The following HDAC9 variants were observed in gnomAD, a reference collection of about 807,000 sequenced individuals.
HDAC9 encodes the protein histone deacetylase 9.
HDAC9 carries 41 observed loss-of-function variants against 139.4 expected under a neutral mutation model. That is an observed-to-expected ratio of 0.29 (90% confidence interval 0.23 to 0.38). The LOEUF (loss-of-function observed/expected upper bound fraction) is 0.38, where lower values mean the gene tolerates loss of function less well. Among genes scored for constraint, HDAC9 ranks in the 10% least tolerant of loss-of-function variants. The pLI is 1.00. For synonymous variants in HDAC9, 517 were observed against 476.2 expected, an observed-to-expected ratio of 1.09 and a Z score of -1.12; for missense variants, 1,147 against 1,297.0, an observed-to-expected ratio of 0.88 and a Z score of 1.78.
intron 1 of HDAC9, among the ~76,000 whole-genome samples, chr7:18,391,951 T>G (rs1211230042): frequency 6.6e-6 from 1 of 152,198 alleles, no homozygotes; most frequent in Non-Finnish European, 1.5e-5. Flanking sequence ...ATCTCCTCCA[T>G]GGTGCCTTTC....
chr7:18,168,587 C>A (rs934976893), intron 2 of HDAC9, among the ~76,000 whole-genome samples: 2 of 149,282 alleles, frequency 1.3e-5, no homozygotes, highest in African/African-American at 5.0e-5. Context: ...TGTGTGTGTA[C>A]GTGTGTGGTG....
chr7:18,437,915 C>G (rs1791362017), intron 1 of HDAC9, among the ~76,000 whole-genome samples: 1 of 150,500 alleles, frequency 6.6e-6, no homozygotes, highest in Non-Finnish European at 1.5e-5. Flanking sequence ...ACATGCACCA[C>G]ACACACACAC....
intron 14 of HDAC9, among the ~76,000 whole-genome samples, chr7:18,753,214 A>C (rs1248082882): frequency 6.6e-6 from 1 of 152,104 alleles, no homozygotes; most frequent in Non-Finnish European, 1.5e-5. Context: ...CAAATTTCAA[A>C]GGGGTTTTGA....
chr7:18,948,307 G>A (rs1436757061), intron 23 of HDAC9, among the ~76,000 whole-genome samples: 2 of 151,956 alleles, frequency 1.3e-5, no homozygotes, highest in African/African-American at 4.8e-5. Context: ...AATTGAGTAT[G>A]AAGAAAATCT....
In HDAC9 at chr7:18,661,065, G is replaced by A. The variant is rs143754462; in HGVS notation, c.1468-5148G>A. Among the ~76,000 whole-genome samples the A allele has an allele frequency of 6.4e-3, 971 of 152,230 alleles. 17 individuals are homozygous for A. Among genetic ancestry groups the A allele is most frequent in the Non-Finnish European group, 4.4e-3 (301 of 68,006 alleles). On this transcript the variant is annotated intron_variant, in intron 11 of 25. Transcript: ENST00000686413. The stretch of plus-strand genomic sequence containing the variant: ...AGGGCAATCAAGGAGCCCAGAGTAG[G>A]GCCTTTGGGTAGTTTAGGGTGAAAA...
rs370448061 is a variant in HDAC9, at chr7:18,452,184, G to A, written c.-41-44078G>A. On this transcript the variant is annotated intron_variant, in intron 1 of 3. Transcript: ENST00000413509. ...CAACAGCAAAGTGACCTGAATCCTA[G>A]GCTGAACTGTGGTAGCCACACACTC... is the stretch of plus-strand genomic sequence containing the variant. 2.6e-5 allele frequency among the ~76,000 whole-genome samples: 4 copies of A among 152,220 alleles called. No individual in the cohort carries two copies. In the East Asian group the frequency reaches 7.7e-4, roughly 29 times the overall value.
intron 24 of HDAC9, among the ~76,000 whole-genome samples, chr7:18,972,550 T>C (rs1488576477): frequency 6.6e-6 from 1 of 151,928 alleles, no homozygotes; most frequent in Non-Finnish European, 1.5e-5. Flanking sequence ...CTGGATATTT[T>C]TTGTATTTTC....
chr7:18,633,262 A>G (rs1431861171), intron 7 of HDAC9, among the ~76,000 whole-genome samples: 1 of 152,114 alleles, frequency 6.6e-6, no homozygotes, highest in Non-Finnish European at 1.5e-5. Context: ...GTGGAAAGGA[A>G]TGTTTTCTCT....
At chr7:18,187,840 A>G (rs796263656) in intron 2 of HDAC9, among the ~76,000 whole-genome samples, 4 of 152,294 alleles carry the variant, frequency 2.6e-5, no homozygotes, top group Admixed American at 6.5e-5. Context: ...AGGGCAAACC[A>G]TATTTTCAGC....
At chr7:18,662,270 A>G (rs1793424370) in intron 11 of HDAC9, among the ~76,000 whole-genome samples, 1 of 152,096 alleles carries the variant, frequency 6.6e-6, no homozygotes, top group South Asian at 2.1e-4. Flanking sequence ...GCATTATTGC[A>G]GTCATTATTG....
rs376930355 is a variant in HDAC9, at chr7:18,466,345, C to A, written c.-41-29917C>A. Among the ~76,000 whole-genome samples, 19 of 152,206 alleles carry A rather than the reference C, an allele frequency of 1.2e-4. No homozygotes were observed. The East Asian group carries it at 3.7e-3, about 29-fold the overall frequency. ...CCAAGTAGCTGGGATTACAAGCATG[C>A]ACCACCACACCTGGCTAATTTTTGT... On this transcript the variant is annotated intron_variant, in intron 1 of 3. Coordinates refer to the HDAC9 transcript ENST00000413509.
At chr7:18,170,806 T>A (rs1336702260) in intron 2 of HDAC9, among the ~76,000 whole-genome samples, 1 of 152,188 alleles carries the variant, frequency 6.6e-6, no homozygotes, top group Non-Finnish European at 1.5e-5. Flanking sequence ...TTGTTCTATA[T>A]CTCTGTTTTG....
At chr7:18,363,185 C>A (rs896083983) in intron 1 of HDAC9, among the ~76,000 whole-genome samples, 17 of 152,216 alleles carry the variant, frequency 1.1e-4, no homozygotes, top group Non-Finnish European at 2.5e-4. Context: ...TTCCTAAAGC[C>A]TTTAATCCAT....
chr7:18,770,506 C>T (rs900367845), intron 16 of HDAC9, among the ~76,000 whole-genome samples: 1 of 152,128 alleles, frequency 6.6e-6, no homozygotes, highest in African/African-American at 2.4e-5. Flanking sequence ...GAAGTCATTT[C>T]TCAGCCTCAT....
At chr7:18,275,523 A>G (rs937879188) in intron 2 of HDAC9, among the ~76,000 whole-genome samples, 2 of 152,136 alleles carry the variant, frequency 1.3e-5, no homozygotes, top group Non-Finnish European at 2.9e-5. Context: ...AAAGGCCTCA[A>G]AGGCGCTGTG....
chr7:18,423,581 A>G (rs1461872593), intron 1 of HDAC9, among the ~76,000 whole-genome samples: 1 of 152,236 alleles, frequency 6.6e-6, no homozygotes, highest in East Asian at 1.9e-4. Flanking sequence ...CATTTTGGAC[A>G]GTATTTACCA....
At chr7:18,445,020 A>G (rs1792157905) in intron 1 of HDAC9, among the ~76,000 whole-genome samples, 1 of 152,214 alleles carries the variant, frequency 6.6e-6, no homozygotes, top group Admixed American at 6.5e-5. Context: ...CAAATTATGC[A>G]AGAGCTTTAT....
At chr7:18,248,897 A>T (rs561510057) in intron 2 of HDAC9, among the ~76,000 whole-genome samples, 1 of 152,214 alleles carries the variant, frequency 6.6e-6, no homozygotes, top group Admixed American at 6.5e-5. Flanking sequence ...ATATATAAAG[A>T]CAGTCATTAT....
chr7:18,516,356 CA>C (rs1341473475), intron 2 of HDAC9, among the ~76,000 whole-genome samples: 1 of 152,052 alleles, frequency 6.6e-6, no homozygotes, highest in Non-Finnish European at 1.5e-5. Context: ...AATAAAAGGC[CA>C]AAATCACTTG....
Sources: gnomAD v4.1 joint callset for allele counts (sites outside exome capture counted in the v4.1 genomes callset) on GRCh38, gnomAD v4.1.1 for gene constraint, MANE v1.5 for transcripts, NCBI Gene and HGNC (gene_info 2026-07-23, HGNC 2026-07-21) for gene names.